Variants in ECD observed in about 807,000 individuals in gnomAD.
ECD encodes protein ecdysoneless homolog.
Under a neutral mutation model 77.2 loss-of-function variants are expected in ECD, and 59 were observed. That is an observed-to-expected ratio of 0.76 (90% CI 0.62 to 0.95). The LOEUF (loss-of-function observed/expected upper bound fraction) is 0.95. Among genes scored for constraint, ECD ranks in the 40% least tolerant of loss-of-function variants. ECD has a pLI of 0.00. For missense variants in ECD, 704 were observed against 763.4 expected, an observed-to-expected ratio of 0.92 and a Z score of 0.92; for synonymous variants, 233 against 267.4, an observed-to-expected ratio of 0.87 and a Z score of 1.26.
intron 5 of ECD, among the ~76,000 whole-genome samples, chr10:73,155,681 C>A (rs1473251235): frequency 6.6e-6 from 1 of 150,838 alleles, no homozygotes; most frequent in Admixed American, 6.6e-5. Context: ...TCACTGCAAC[C>A]TCCGCCTCCC....
At chr10:73,152,146 T>G in intron 7 of ECD, 147 bp downstream of exon 7, 1 of 1,026,996 alleles carries the variant, frequency 9.7e-7, no homozygotes, top group African/African-American at 1.6e-5. Context: ...AAGTAATCCA[T>G]TTTTTTCATT....
intron 9 of ECD, among the ~76,000 whole-genome samples, chr10:73,144,989 T>C (rs988194016): frequency 6.6e-6 from 1 of 152,212 alleles, no homozygotes; most frequent in Non-Finnish European, 1.5e-5. Context: ...TTATACATTG[T>C]ATGCCACATG....
At chr10:73,166,276 C>A (rs182871995) in intron 1 of ECD, among the ~76,000 whole-genome samples, 1 of 152,104 alleles carries the variant, frequency 6.6e-6, no homozygotes, top group Admixed American at 6.5e-5. Context: ...AATAGTGCTG[C>A]GATAAACATG....
chr10:73,150,827 G>T (rs189238963), intron 7 of ECD, among the ~76,000 whole-genome samples: 14 of 152,256 alleles, frequency 9.2e-5, no homozygotes, highest in African/African-American at 3.4e-4. Flanking sequence ...ACAATGAGAT[G>T]GTAATCTCAC....
intron 6 of ECD, 150 bp downstream of exon 6, chr10:73,154,106 G>T: frequency 1.3e-6 from 1 of 778,762 alleles, no homozygotes; most frequent in South Asian, 2.3e-5. Flanking sequence ...AACATGCTAT[G>T]AAGAAACAGA....
intron 5 of ECD, 80 bp downstream of exon 5, chr10:73,156,191 AAAAC>A: frequency 7.5e-7 from 1 of 1,334,668 alleles, no homozygotes. Context: ...AGCTTTAAGG[AAAAC>A]AAACAAAAAT....
At position 73,134,205 on chromosome 10, in the gene ECD, G is replaced by C. The variant is rs7908606; in HGVS notation, c.*378C>G. ...CATTAAAAAAATTGAAAAAGTGAAT[G>C]AGTTTTCAAATCCAAATTTGTCAAC... On this transcript the variant is annotated 3_prime_UTR_variant, in exon 14 of 14. Coordinates refer to ENST00000372979, the MANE Select transcript of ECD (RefSeq NM_007265.3). 26,127 of 173,088 alleles carry C rather than the reference G, an allele frequency of 0.15. 3,334 individuals carry two copies. The highest frequency in any genetic ancestry group is 0.34 in the African/African-American group (14,029 of 41,842). The allele number at this position is 173,088 out of a possible 1,614,324, so 10.7% of individuals were successfully genotyped here.
rs1842954541 is a variant in ECD at position 73,134,447 on chromosome 10, G to A, written c.*136C>T. ...GACTTGTGCCAAGAGGGCCACATTT[G>A]GGGCTCATGGAGAAGTCAATCTGTA... is the stretch of plus-strand genomic sequence containing the variant. On this transcript the variant is annotated 3_prime_UTR_variant, in exon 14 of 14. Transcript: ENST00000372979. The A allele has an allele frequency of 1.2e-6, 1 of 831,606 alleles. No individual in the cohort carries two copies. Among genetic ancestry groups the A allele is most frequent in the South Asian group, 1.9e-5 (1 of 53,228 alleles). The allele number at this position is 831,606 out of a possible 1,614,324, so 51.5% of individuals were successfully genotyped here.
chr10:73,149,450 A>C (rs1843173464), intron 7 of ECD, among the ~76,000 whole-genome samples: 1 of 152,204 alleles, frequency 6.6e-6, no homozygotes. Flanking sequence ...ATGATGCTGG[A>C]TACACAGTGG....
intron 3 of ECD, among the ~76,000 whole-genome samples, chr10:73,159,056 G>A (rs1433888350): frequency 6.6e-6 from 1 of 152,170 alleles, no homozygotes; most frequent in Non-Finnish European, 1.5e-5. Context: ...TGGATAATGG[G>A]AACATGTGGG....
chr10:73,147,600 G>A (rs1314372878), intron 8 of ECD, among the ~76,000 whole-genome samples: 2 of 151,028 alleles, frequency 1.3e-5, no homozygotes, highest in African/African-American at 4.9e-5. Flanking sequence ...AGTACTTTTC[G>A]TATTGCTGTG....
At chr10:73,158,572 C>T (rs1004530921) in intron 3 of ECD, among the ~76,000 whole-genome samples, 8 of 151,674 alleles carry the variant, frequency 5.3e-5, no homozygotes, top group African/African-American at 1.5e-4. Context: ...CTTGTCTCTA[C>T]AAAAAATACA....
At chr10:73,157,876 CT>C (rs1843318850) in intron 3 of ECD, among the ~76,000 whole-genome samples, 1 of 151,840 alleles carries the variant, frequency 6.6e-6, no homozygotes, top group South Asian at 2.1e-4. Flanking sequence ...TATTTTCTCC[CT>C]TTTTTACACA....
chr10:73,153,506 G>T (rs1843244688), intron 6 of ECD, among the ~76,000 whole-genome samples: 1 of 151,694 alleles, frequency 6.6e-6, no homozygotes. Context: ...GGAGGCTGAG[G>T]TGGGTGAATC....
At chr10:73,164,029 A>T (rs955236218) in intron 1 of ECD, 79 bp from the exon 2 acceptor site, 2 of 1,292,496 alleles carry the variant, frequency 1.5e-6, no homozygotes, top group Admixed American at 4.3e-5. Context: ...TGGTTCTATG[A>T]ACACTGTTTT....
intron 1 of ECD, among the ~76,000 whole-genome samples, chr10:73,167,551 T>G (rs1589125004): frequency 6.6e-6 from 1 of 152,110 alleles, no homozygotes; most frequent in African/African-American, 2.4e-5. Flanking sequence ...GTAAGGAACC[T>G]GCTTCTTCTT....
rs777160574 is a variant in ECD, at chr10:73,163,945, TG to T, written c.-9del. 3.7e-5 allele frequency: 60 copies of T among 1,612,980 alleles called. No homozygotes were observed. In the East Asian group the frequency reaches 1.3e-3, roughly 36 times the overall value. ...CTTCATGGTTTCTTCCATTCTTCTT[TG>T]AAAACTATGTTTAAAGTTCCAAAAT... is the stretch of plus-strand genomic sequence containing the variant. On this transcript the variant is annotated 5_prime_UTR_variant, in exon 2 of 14. Transcript: ENST00000372979.
intron 7 of ECD, among the ~76,000 whole-genome samples, chr10:73,149,339 C>CA (rs111559429): frequency 0.16 from 23,926 of 152,108 alleles, 3,132 homozygotes; most frequent in African/African-American, 0.34. Flanking sequence ...TTTGACTTAA[C>CA]ATTTTTTGAC....
intron 9 of ECD, among the ~76,000 whole-genome samples, chr10:73,141,097 A>C (rs1240811816): frequency 6.6e-6 from 1 of 152,054 alleles, no homozygotes. Context: ...TACAGATGAG[A>C]AAACCAGAAC....
Sources: allele counts gnomAD v4.1 joint callset (sites outside exome capture counted in the v4.1 genomes callset), GRCh38; gene constraint gnomAD v4.1.1; transcripts MANE v1.5; gene names NCBI Gene and HGNC (gene_info 2026-07-23, HGNC 2026-07-21).